The following CDK5RAP2 variants were observed in gnomAD, a reference collection of about 807,000 sequenced individuals.
The protein encoded by CDK5RAP2 is CDK5 regulatory subunit associated protein 2, also known as CDK5 regulatory subunit-associated protein 2.
A neutral mutation model predicts 232.9 loss-of-function variants in CDK5RAP2; 147 were observed. The ratio of observed to expected loss-of-function variants is 0.63; its 90% CI spans 0.55 to 0.72. The LOEUF (loss-of-function observed/expected upper bound fraction) is 0.72, where lower values mean the gene tolerates loss of function less well. CDK5RAP2 is among the 30% of genes least tolerant of loss of function. The pLI is 0.00. For missense variants in CDK5RAP2, 2,195 were observed against 2,231.5 expected (o/e 0.98, Z 0.33); for synonymous variants, 833 against 833.7 (o/e 1.00, Z 0.01).
At chr9:120,435,397 C>T (rs1018534376) in intron 25 of CDK5RAP2, among the ~76,000 whole-genome samples, 2 of 151,846 alleles carry the variant, frequency 1.3e-5, no homozygotes, top group Non-Finnish European at 2.9e-5. Flanking sequence ...CAGGAAAGAA[C>T]CCAGTGAGTC....
At chr9:120,536,596 AT>A in intron 6 of CDK5RAP2, 70 bp from the exon 7 acceptor site, 1 of 1,393,008 alleles carries the variant, frequency 7.2e-7, no homozygotes. Context: ...AGGAAATTGG[AT>A]TAAAATATAA....
chr9:120,394,812 A>T (rs2032319015), intron 35 of CDK5RAP2, among the ~76,000 whole-genome samples, 174 bp from the exon 36 acceptor site: 2 of 152,172 alleles, frequency 1.3e-5, no homozygotes, highest in African/African-American at 4.8e-5. Context: ...GACAAAACTC[A>T]TTGAGGGTAA....
At chr9:120,400,480 C>A (rs1478763683) in intron 35 of CDK5RAP2, among the ~76,000 whole-genome samples, 1 of 152,200 alleles carries the variant, frequency 6.6e-6, no homozygotes, top group Non-Finnish European at 1.5e-5. Flanking sequence ...TGCCTCAGCT[C>A]CCTGAGTCCT....
At chr9:120,556,506 G>A (rs1186518281) in intron 3 of CDK5RAP2, among the ~76,000 whole-genome samples, 2 of 151,200 alleles carry the variant, frequency 1.3e-5, no homozygotes, top group Non-Finnish European at 2.9e-5. Flanking sequence ...TCAGCTCACT[G>A]CAACCTCCGC....
intron 28 of CDK5RAP2, among the ~76,000 whole-genome samples, chr9:120,413,809 A>AGGAGGGAGGAGGGAGGAG (rs1554731761): frequency 1.7e-4 from 19 of 109,134 alleles, no homozygotes; most frequent in African/African-American, 5.2e-4. Context: ...GCAGTGAGCG[A>AGGAGGGAGGAGGGAGGAG]GGAGGGAGGA....
At chr9:120,541,381 C>G (rs2041626046) in intron 5 of CDK5RAP2, among the ~76,000 whole-genome samples, 1 of 152,114 alleles carries the variant, frequency 6.6e-6, no homozygotes, top group African/African-American at 2.4e-5. Context: ...TTTAGTTATA[C>G]CAGTAAAATA....
intron 26 of CDK5RAP2, among the ~76,000 whole-genome samples, chr9:120,420,280 A>C (rs2034488549): frequency 6.6e-6 from 1 of 152,162 alleles, no homozygotes; most frequent in Admixed American, 6.5e-5. Context: ...CAAGCATTTG[A>C]GATTTTAGTT....
chr9:120,504,150 G>A (rs932984489), intron 12 of CDK5RAP2, among the ~76,000 whole-genome samples: 2 of 152,120 alleles, frequency 1.3e-5, no homozygotes, highest in African/African-American at 2.4e-5. Flanking sequence ...TAAAATTAAG[G>A]GTTTGGGGTA....
Position 120,419,781 on chromosome 9 carries a change from A to G in CDK5RAP2, c.4177+7T>C, listed in dbSNP as rs755674825. ...ATGTTTAAAACACTTAATGAGGCTT[A>G]GCTTACCTTGAGAAAAACTGTTCAC... On this transcript the variant is annotated splice_region_variant and intron_variant, in intron 27 of 37. Coordinates refer to ENST00000349780, the MANE Select transcript of CDK5RAP2 (RefSeq NM_018249.6). 2.5e-6 allele frequency: 4 copies of G among 1,609,534 alleles called. No homozygotes were observed. In the East Asian group the frequency reaches 6.7e-5, roughly 27 times the overall value.
rs749196371 is a variant in CDK5RAP2, at chr9:120,389,306, G to GA, written c.5626-15dup. ...CCCAGGCCTAAGCTAGGAAAAGGAAGAAAAAAAAGGAGAATTTTAAGTCCA... is the reference window on the plus strand; with the variant it reads ...CCCAGGCCTAAGCTAGGAAAAGGAAGAAAAAAAAAGGAGAATTTTAAGTCCA... On this transcript the variant is annotated splice_polypyrimidine_tract_variant and intron_variant, in intron 37 of 37. Coordinates refer to ENST00000349780, the MANE Select transcript of CDK5RAP2 (RefSeq NM_018249.6). 33 of 1,606,532 alleles carry GA rather than the reference G, an allele frequency of 2.1e-5. No individual in the cohort carries two copies. Among genetic ancestry groups the GA allele is most frequent in the East Asian group, 6.7e-5 (3 of 44,800 alleles).
At chr9:120,430,493 C>A (rs1411336437) in intron 25 of CDK5RAP2, among the ~76,000 whole-genome samples, 1 of 150,742 alleles carries the variant, frequency 6.6e-6, no homozygotes, top group Admixed American at 6.6e-5. Context: ...TTTATGCAGC[C>A]AAAAGACACA....
At chr9:120,489,273 G>A (rs1300970952) in intron 13 of CDK5RAP2, among the ~76,000 whole-genome samples, 2 of 152,152 alleles carry the variant, frequency 1.3e-5, no homozygotes, top group African/African-American at 4.8e-5. Context: ...AGCCTTTCAG[G>A]TCCTCTCTTT....
chr9:120,578,227 A>G (rs2043108230), intron 1 of CDK5RAP2, among the ~76,000 whole-genome samples: 1 of 152,232 alleles, frequency 6.6e-6, no homozygotes, highest in African/African-American at 2.4e-5. Flanking sequence ...AGATCGCGCC[A>G]CTGCACTCCA....
intron 23 of CDK5RAP2, among the ~76,000 whole-genome samples, chr9:120,441,406 T>G (rs1324828483): frequency 6.6e-6 from 1 of 152,142 alleles, no homozygotes; most frequent in Non-Finnish European, 1.5e-5. Context: ...AGGGATTATA[T>G]GGAACAAAAT....
chr9:120,468,414 T>C (rs2037508375), intron 17 of CDK5RAP2, among the ~76,000 whole-genome samples: 1 of 152,224 alleles, frequency 6.6e-6, no homozygotes, highest in South Asian at 2.1e-4. Flanking sequence ...AGGCGAAAGT[T>C]TCTGAAACTG....
chr9:120,525,058 T>C lies in CDK5RAP2; in HGVS notation c.1020A>G (p.Glu340=). The part of the protein sequence containing the change: ...KEKKVEELNS[E]IEKLSAAFAK... ...CAAAGGCAGCACTGAGCTTTTCAAT[T>C]TCAGAGTTAAGTTCTTCAACCTGGG... The change falls in exon 11 of 38, where the codon GAA becomes GAG. Residue 340 remains glutamate, a synonymous_variant. Coordinates refer to ENST00000349780, the MANE Select transcript of CDK5RAP2 (RefSeq NM_018249.6). 1.2e-6 allele frequency: 2 copies of C among 1,614,012 alleles called. No individual in the cohort carries two copies. Among genetic ancestry groups the C allele is most frequent in the Non-Finnish European group, 1.7e-6 (2 of 1,179,916 alleles).
At chr9:120,526,139 G>C (rs1429493128) in intron 10 of CDK5RAP2, among the ~76,000 whole-genome samples, 1 of 152,092 alleles carries the variant, frequency 6.6e-6, no homozygotes, top group East Asian at 1.9e-4. Context: ...TAGATAAGTA[G>C]GTCAACTCTC....
intron 15 of CDK5RAP2, 98 bp from the exon 16 acceptor site, chr9:120,471,976 GT>G: frequency 1.3e-6 from 2 of 1,489,398 alleles, no homozygotes; most frequent in Non-Finnish European, 1.9e-6. Flanking sequence ...TGTCATTTGT[GT>G]TTTTTTCTGG....
chr9:120,431,140 A>T (rs1427043999), intron 25 of CDK5RAP2, among the ~76,000 whole-genome samples: 2 of 152,226 alleles, frequency 1.3e-5, no homozygotes, highest in African/African-American at 4.8e-5. Flanking sequence ...GAGGGATAGC[A>T]TTAGGAGATA....
Sources: allele counts gnomAD v4.1 joint callset (sites outside exome capture counted in the v4.1 genomes callset), GRCh38; gene constraint gnomAD v4.1.1; transcripts MANE v1.5; gene names NCBI Gene and HGNC (gene_info 2026-07-23, HGNC 2026-07-21).